ADGRG3: variants seen among roughly 807,000 people sequenced by gnomAD.
ADGRG3 encodes the protein G protein-coupled receptor 97.
In ADGRG3, 39 loss-of-function variants were observed where a neutral mutation model predicts 54.3. The observed-to-expected ratio is 0.72, with a 90% CI of 0.56 to 0.94. The LOEUF (loss-of-function observed/expected upper bound fraction) is 0.94, where lower values mean the gene tolerates loss of function less well. Among genes scored for constraint, ADGRG3 ranks in the 40% least tolerant of loss-of-function variants. The pLI, the probability that ADGRG3 is intolerant of heterozygous loss-of-function variation, is 0.00. For synonymous variants in ADGRG3, 312 were observed against 290.0 expected (o/e 1.08, Z -0.77); for missense variants, 654 against 694.6 (o/e 0.94, Z 0.66).
At chr16:57,677,578 A>C (rs1471941065) in intron 3 of ADGRG3, among the ~76,000 whole-genome samples, 1 of 152,174 alleles carries the variant, frequency 6.6e-6, no homozygotes, top group East Asian at 1.9e-4. Context: ...ATGAGACTCC[A>C]TCTCAAAAAA....
chr16:57,683,872 C>A, intron 8 of ADGRG3, 60 bp from the exon 9 acceptor site: 2 of 1,428,902 alleles, frequency 1.4e-6, no homozygotes, highest in South Asian at 1.4e-5. Flanking sequence ...GGCTTGGGTG[C>A]CTCATGGGAG....
intron 4 of ADGRG3, 43 bp downstream of exon 4, chr16:57,678,359 T>C: frequency 6.3e-7 from 1 of 1,599,686 alleles, no homozygotes; most frequent in Non-Finnish European, 8.6e-7. Context: ...CTAGGTCCTC[T>C]GGGGGCTCCA....
intron 5 of ADGRG3, among the ~76,000 whole-genome samples, 180 bp from the exon 6 acceptor site, chr16:57,679,636 G>A (rs2048327024): frequency 6.6e-6 from 1 of 152,008 alleles, no homozygotes; most frequent in Admixed American, 6.5e-5. Context: ...TTCACACGCC[G>A]GCCCAGGGCT....
intron 2 of ADGRG3, among the ~76,000 whole-genome samples, chr16:57,673,876 G>T (rs554990260): frequency 6.6e-6 from 1 of 152,280 alleles, no homozygotes; most frequent in South Asian, 2.1e-4. Flanking sequence ...CTAAACAATG[G>T]TGAGGATACA....
At chr16:57,687,145 G>T (rs73554934) in intron 11 of ADGRG3, among the ~76,000 whole-genome samples, 1 of 152,220 alleles carries the variant, frequency 6.6e-6, no homozygotes, top group Admixed American at 6.5e-5. Context: ...GGGCCAGGCA[G>T]CCCTGGGTCC....
In ADGRG3 at chr16:57,685,879, T is replaced by G. The variant is rs1376739193; in HGVS notation, c.1493T>G (p.Leu498Trp). ...TGGGGGTTGGCCATCTTCACCCCGT[T>G]GGGCCTCTCCACCGTCTACATCTTT... ...VTWGLAIFTPLGLSTVYIFAL... is the reference protein window; with the variant it reads ...VTWGLAIFTPWGLSTVYIFAL... The change falls in exon 11 of 12, where the codon TTG becomes TGG. Residue 498 changes from leucine to tryptophan, a missense_variant. By Grantham distance (61) the Leu-to-Trp change is moderately conservative (BLOSUM62 -2). Coordinates refer to ENST00000333493, the MANE Select transcript of ADGRG3 (RefSeq NM_170776.5). 1 of 1,614,156 alleles carries G rather than the reference T, an allele frequency of 6.2e-7. No individual in the cohort carries two copies.
chr16:57,672,185 A>G (rs1450310373), intron 1 of ADGRG3, among the ~76,000 whole-genome samples: 2 of 146,174 alleles, frequency 1.4e-5, no homozygotes, highest in African/African-American at 2.5e-5. Flanking sequence ...GTCTCAAAAG[A>G]AAAAAAAAAG....
At position 57,679,828 on chromosome 16, in the gene ADGRG3, A is replaced by C. The variant is rs1227465038; in HGVS notation, c.640A>C (p.Thr214Pro). ...HQRPPPNMTLTCVFWDVTKGT... is the reference protein window; with the variant it reads ...HQRPPPNMTLPCVFWDVTKGT... The stretch of plus-strand genomic sequence containing the variant: ...TCTTCGGTTTCAGAACATGACCCTC[A>C]CCTGTGTATTCTGGGATGTGACTAA... The change falls in exon 6 of 12, where the codon ACC (threonine) becomes CCC (proline). Residue 214 changes from threonine (T) to proline (P), a missense_variant. Transcript: ENST00000333493. 1 of 1,610,730 alleles carries C rather than the reference A, an allele frequency of 6.2e-7. No homozygotes were observed. Among genetic ancestry groups the C allele is most frequent in the Non-Finnish European group, 8.5e-7 (1 of 1,178,508 alleles).
intron 4 of ADGRG3, 197 bp downstream of exon 4, chr16:57,678,513 C>T: frequency 1.7e-6 from 1 of 592,902 alleles, no homozygotes. Flanking sequence ...TCACACTGGT[C>T]ACACGCTCTC....
chr16:57,665,715 T>C (rs1301979894), upstream of ADGRG3: 1 of 152,600 alleles, frequency 6.6e-6, no homozygotes, highest in African/African-American at 2.4e-5. Flanking sequence ...GAGGTCCCAG[T>C]GCAGCCAAAG....
At chr16:57,671,382 C>T (rs1258131375) in intron 1 of ADGRG3, among the ~76,000 whole-genome samples, 2 of 122,120 alleles carry the variant, frequency 1.6e-5, no homozygotes. Context: ...TCTTTGTCTT[C>T]CAAGCTGGAG....
Position 57,687,738 on chromosome 16 carries a change from T to C in ADGRG3, c.1541-614T>C, listed in dbSNP as rs531020167. Among the ~76,000 whole-genome samples, 31 of 152,346 alleles carry C rather than the reference T, an allele frequency of 2.0e-4. No individual in the cohort carries two copies. The East Asian group carries it at 5.6e-3, about 27-fold the overall frequency. On this transcript the variant is annotated intron_variant, in intron 11 of 11. Transcript: ENST00000333493. ...TTGATGGTTGGGGAGAAATGAACTT[T>C]GAAACTATAGCTGACATCGTTATTC...
At position 57,681,386 on chromosome 16, in the gene ADGRG3, G is replaced by A. The variant is rs889455983; in HGVS notation, c.881+769G>A. 4.6e-4 allele frequency among the ~76,000 whole-genome samples: 69 copies of A among 150,996 alleles called. 1 individual carries two copies. The highest frequency in any genetic ancestry group is 8.4e-4 in the South Asian group (4 of 4,782). ...TGTGTGTGTGTGTGTGCGCGCGTGC[G>A]TGCGCGCAGGACATATCATTTGATT... On this transcript the variant is annotated intron_variant, in intron 8 of 11. Transcript: ENST00000333493.
At chr16:57,684,549 G>A (rs574094514) in intron 10 of ADGRG3, 66 bp downstream of exon 10, 1 of 1,150,384 alleles carries the variant, frequency 8.7e-7, no homozygotes, top group Non-Finnish European at 1.3e-6. Flanking sequence ...GGGCTGGAGA[G>A]AGGTGGGGAG....
At position 57,683,915 on chromosome 16, in the gene ADGRG3, C is replaced by G; in HGVS notation, c.882-17C>G. The G allele has an allele frequency of 6.6e-7, 1 of 1,526,220 alleles. No homozygotes were observed. The highest frequency in any genetic ancestry group is 8.8e-7 in the Non-Finnish European group (1 of 1,137,734). The allele number at this position is 1,526,220 out of a possible 1,614,324, so 94.5% of individuals were successfully genotyped here. ...TGGGAGCTGTGGCCCCTTGGGGCCT[C>G]TTATTTCTCACCCCAGGCTTTCCCG... On this transcript the variant is annotated splice_polypyrimidine_tract_variant and intron_variant, in intron 8 of 11. Coordinates refer to ENST00000333493, the MANE Select transcript of ADGRG3 (RefSeq NM_170776.5).
In ADGRG3 at chr16:57,680,353, CG is replaced by C. The variant is rs752967983; in HGVS notation, c.757del (p.Ala253ProfsTer4). On this transcript the variant is annotated frameshift_variant, in exon 7 of 12. Coordinates refer to ENST00000333493, the MANE Select transcript of ADGRG3 (RefSeq NM_170776.5). LOFTEE classifies it high-confidence loss of function. ...GCTGCTGTGACCACCTGACCTTTTT[CG>C]CCCTGCTCCTGGTAACAGCCCCCTC... ...VCCCDHLTFFALLLRPTLDQS... is the reference protein window; with the variant it reads ...VCCCDHLTFFXLLLRPTLDQS... The C allele has an allele frequency of 6.2e-7, 1 of 1,612,672 alleles. No individual in the cohort carries two copies. The highest frequency in any genetic ancestry group is 8.5e-7 in the Non-Finnish European group (1 of 1,179,310).
intron 4 of ADGRG3, chr16:57,678,863 A>G: frequency 4.6e-6 from 2 of 432,790 alleles, no homozygotes; most frequent in Non-Finnish European, 8.5e-6. Flanking sequence ...CTCCCCGCTG[A>G]CTTCCATTTC....
At chr16:57,682,533 G>C in intron 8 of ADGRG3, 3 of 985,456 alleles carry the variant, frequency 3.0e-6, no homozygotes, top group Non-Finnish European at 2.4e-6. Context: ...AGTGTGACTT[G>C]CCAGCTGGCC....
At chr16:57,672,900 G>A (rs1339350462) in intron 1 of ADGRG3, among the ~76,000 whole-genome samples, 6 of 152,174 alleles carry the variant, frequency 3.9e-5, no homozygotes, top group African/African-American at 1.4e-4. Context: ...GAATGTGGGA[G>A]AATGAGGCAA....
Sources: gnomAD v4.1 joint callset for allele counts (sites outside exome capture counted in the v4.1 genomes callset) on GRCh38, gnomAD v4.1.1 for gene constraint, MANE v1.5 for transcripts, NCBI Gene and HGNC (gene_info 2026-07-23, HGNC 2026-07-21) for gene names.